The following ZNF469 variants were observed in gnomAD, a reference collection of about 807,000 sequenced individuals.
ZNF469 encodes the protein zinc finger protein 469.
A neutral mutation model predicts 1.0 loss-of-function variants in ZNF469; 1 was observed. The ratio of observed to expected loss-of-function variants is 1.00; its 90% CI spans 0.35 to 4.73. ZNF469 has a LOEUF of 4.73. ZNF469 is among the 30% of genes most tolerant of loss of function. The pLI, the probability that ZNF469 is intolerant of heterozygous loss-of-function variation, is 0.16. For synonymous variants in ZNF469, 2,703 were observed against 2,363.4 expected (o/e 1.14, Z -4.17); for missense variants, 6,100 against 5,356.3 (o/e 1.14, Z -4.33).
the ZNF469 span, among the ~76,000 whole-genome samples, chr16:88,225,070 C>G: frequency 1.8e-3 from 267 of 152,168 alleles, 1 homozygote; most frequent in African/African-American, 5.9e-3. Flanking sequence ...CACTGGCCCC[C>G]CTGCCCCTTC....
chr16:88,397,062 C>A (rs1242594808), intron 1 of ZNF469, among the ~76,000 whole-genome samples: 1 of 151,798 alleles, frequency 6.6e-6, no homozygotes, highest in African/African-American at 2.4e-5. Flanking sequence ...CGGGAGGAGA[C>A]CCTTCTGAAG....
At chr16:88,348,506 C>G in the ZNF469 span, among the ~76,000 whole-genome samples, 1 of 152,204 alleles carries the variant, frequency 6.6e-6, no homozygotes, top group Non-Finnish European at 1.5e-5. Context: ...GCACCTGCCT[C>G]AAGACCCCGC....
chr16:88,105,990 C>T, the ZNF469 span, among the ~76,000 whole-genome samples: 19 of 152,348 alleles, frequency 1.2e-4, no homozygotes, highest in Admixed American at 8.5e-4. Context: ...GGTCTTGGCA[C>T]GGGCCCAGTA....
chr16:88,396,171 A>G (rs980045233), intron 1 of ZNF469, among the ~76,000 whole-genome samples: 4 of 152,282 alleles, frequency 2.6e-5, no homozygotes, highest in Admixed American at 2.0e-4. Flanking sequence ...CACAACTCAT[A>G]GAACACAATA....
chr16:88,280,528 G>T, the ZNF469 span, among the ~76,000 whole-genome samples: 1 of 149,376 alleles, frequency 6.7e-6, no homozygotes, highest in Non-Finnish European at 1.5e-5. Context: ...GCCGATGTCA[G>T]CACACGGGTT....
At chr16:88,358,541 C>T in the ZNF469 span, among the ~76,000 whole-genome samples, 19 of 152,218 alleles carry the variant, frequency 1.2e-4, no homozygotes, top group African/African-American at 4.3e-4. Flanking sequence ...GCCACTCCCA[C>T]CCAGGCCAGG....
At chr16:88,280,300 G>A in the ZNF469 span, among the ~76,000 whole-genome samples, 1 of 152,016 alleles carries the variant, frequency 6.6e-6, no homozygotes, top group Non-Finnish European at 1.5e-5. Flanking sequence ...GTGACAGTCA[G>A]TATCGTGTAG....
At chr16:88,255,820 TGGA>T in the ZNF469 span, among the ~76,000 whole-genome samples, 9 of 152,138 alleles carry the variant, frequency 5.9e-5, no homozygotes, top group African/African-American at 9.7e-5. Flanking sequence ...TGTTTCTGTG[TGGA>T]GGAGAAGTTT....
Position 88,431,101 on chromosome 16 carries a change from A to T in ZNF469, c.3631A>T (p.Thr1211Ser). Reference protein sequence around the residue: ...DPLQVPTNTETSEETRPSLDF... With the variant: ...DPLQVPTNTESSEETRPSLDF... ...CCTGCAGGTCCCCACCAACACCGAG[A>T]CCTCAGAGGAAACCCGCCCGTCGCT... The change falls in exon 3 of 3, where the codon ACC becomes TCC. Residue 1211 changes from threonine to serine, a missense_variant. By Grantham distance (58) the Thr-to-Ser change is moderately conservative. Transcript: ENST00000565624. The T allele has an allele frequency of 6.5e-7, 1 of 1,550,076 alleles. No homozygotes were observed. Among genetic ancestry groups the T allele is most frequent in the Non-Finnish European group, 8.7e-7 (1 of 1,146,894 alleles).
chr16:88,153,119 G>A, the ZNF469 span, among the ~76,000 whole-genome samples: 1 of 152,170 alleles, frequency 6.6e-6, no homozygotes, highest in Non-Finnish European at 1.5e-5. Context: ...CGGGGCCGGG[G>A]GTGTGGACAG....
In ZNF469 at chr16:88,429,559, G is replaced by A; in HGVS notation, c.2089G>A (p.Val697Met). 6.5e-7 allele frequency: 1 copy of A among 1,550,138 alleles called. No homozygotes were observed. Among genetic ancestry groups the A allele is most frequent in the Non-Finnish European group, 8.7e-7 (1 of 1,146,860 alleles). The stretch of plus-strand genomic sequence containing the variant: ...CCCATTCCCCCACGAGGGCCCCGAG[G>A]TGGGTCGGGGAGGGCTGCAGGGCTT... ...ETPFPHEGPE[V>M]GRGGLQGFPR... Residue 697 changes from valine to methionine, a missense_variant, in exon 3 of 3, where the codon GTG becomes ATG. Val to Met is a conservative substitution (Grantham distance 21, BLOSUM62 1). Coordinates refer to ENST00000565624, the MANE Select transcript of ZNF469 (RefSeq NM_001367624.2).
the ZNF469 span, among the ~76,000 whole-genome samples, chr16:88,108,728 G>A: frequency 0.01 from 1,598 of 152,300 alleles, 28 homozygotes; most frequent in African/African-American, 0.035. Flanking sequence ...TGTATGGGGG[G>A]CCACGCATGT....
chr16:88,398,571 C>G (rs1904763642), intron 1 of ZNF469, among the ~76,000 whole-genome samples: 1 of 119,448 alleles, frequency 8.4e-6, no homozygotes, highest in African/African-American at 3.6e-5. Context: ...GCGCGAGCCA[C>G]AGACAAAGGG....
chr16:88,287,165 C>G, the ZNF469 span, among the ~76,000 whole-genome samples: 1 of 152,204 alleles, frequency 6.6e-6, no homozygotes, highest in African/African-American at 2.4e-5. Context: ...TTCTAAGGTG[C>G]ACCTTGGTTG....
chr16:88,105,353 G>A, the ZNF469 span, among the ~76,000 whole-genome samples: 1 of 148,346 alleles, frequency 6.7e-6, no homozygotes, highest in Non-Finnish European at 1.5e-5. Flanking sequence ...TGCCCAGGCT[G>A]GAGTGTAATG....
At chr16:88,410,460 A>G (rs1284206145) in intron 1 of ZNF469, among the ~76,000 whole-genome samples, 2 of 132,574 alleles carry the variant, frequency 1.5e-5, no homozygotes, top group African/African-American at 3.0e-5. Flanking sequence ...AGTGACATCT[A>G]TGATGCACGG....
chr16:88,163,619 T>C, the ZNF469 span, among the ~76,000 whole-genome samples: 1 of 27,720 alleles, frequency 3.6e-5, no homozygotes. Flanking sequence ...GGTAGATGGA[T>C]GGATGGATGG....
the ZNF469 span, among the ~76,000 whole-genome samples, chr16:88,296,966 C>T: frequency 6.6e-6 from 1 of 152,242 alleles, no homozygotes; most frequent in Non-Finnish European, 1.5e-5. Context: ...AGAAGCCACA[C>T]AGACTGATGT....
the ZNF469 span, among the ~76,000 whole-genome samples, chr16:88,256,900 T>TTCTCTC: frequency 1.3e-3 from 24 of 18,148 alleles, no homozygotes; most frequent in African/African-American, 4.0e-3. Flanking sequence ...CTTTCCTTCT[T>TTCTCTC]TCTTTCTTTC....
Sources: allele counts gnomAD v4.1 joint callset (sites outside exome capture counted in the v4.1 genomes callset), GRCh38; gene constraint gnomAD v4.1.1; transcripts MANE v1.5; gene names NCBI Gene and HGNC (gene_info 2026-07-23, HGNC 2026-07-21).